Variants in FARS2 observed in about 807,000 individuals in gnomAD.
The protein encoded by FARS2 is phenylalanyl-tRNA synthetase 2, mitochondrial, also known as phenylalanine--tRNA ligase, mitochondrial.
In FARS2, 40 loss-of-function variants were observed where a neutral mutation model predicts 46.4. The ratio of observed to expected loss-of-function variants is 0.86; its 90% confidence interval spans 0.67 to 1.12. The LOEUF (loss-of-function observed/expected upper bound fraction) is 1.12, where lower values mean the gene tolerates loss of function less well. FARS2 is among the 50% of genes most tolerant of loss of function. The probability of loss-of-function intolerance (pLI) is 0.00; values close to 1 mark genes in which losing one functional copy is unlikely to be tolerated. For synonymous variants in FARS2, 234 were observed against 214.9 expected (o/e 1.09, Z -0.78); for missense variants, 513 against 567.9 (o/e 0.90, Z 0.98).
chr6:5,476,698 A>G (rs1033592660), intron 4 of FARS2, among the ~76,000 whole-genome samples: 1 of 152,160 alleles, frequency 6.6e-6, no homozygotes, highest in Non-Finnish European at 1.5e-5. Context: ...GTTCACAGCT[A>G]GGTATTGAGA....
intron 5 of FARS2, chr6:5,610,175 T>G: frequency 1.1e-6 from 1 of 879,700 alleles, no homozygotes; most frequent in Non-Finnish European, 1.8e-6. Context: ...ATTCGGGCTC[T>G]TTAGGAGACT....
At chr6:5,286,644 G>T (rs1767134061) in intron 1 of FARS2, among the ~76,000 whole-genome samples, 4 of 152,134 alleles carry the variant, frequency 2.6e-5, no homozygotes. Flanking sequence ...ACGTATATGT[G>T]TATGAGTGTG....
intron 6 of FARS2, among the ~76,000 whole-genome samples, chr6:5,679,181 A>G (rs77228053): frequency 0.041 from 6,312 of 152,248 alleles, 161 homozygotes; most frequent in African/African-American, 0.068. Context: ...CCGAGGTGAC[A>G]AAGCAAACCT....
At chr6:5,280,717 C>T (rs952424956) in intron 1 of FARS2, among the ~76,000 whole-genome samples, 2 of 151,484 alleles carry the variant, frequency 1.3e-5, no homozygotes, top group Non-Finnish European at 1.5e-5. Context: ...CAAAAAATAA[C>T]GTCTCCTGTC....
intron 4 of FARS2, among the ~76,000 whole-genome samples, chr6:5,510,715 C>G (rs917578872): frequency 1.3e-5 from 2 of 152,230 alleles, no homozygotes; most frequent in African/African-American, 2.4e-5. Context: ...GAGCTTGACC[C>G]CATATGTAGT....
intron 6 of FARS2, among the ~76,000 whole-genome samples, chr6:5,695,626 G>C (rs79204658): frequency 6.6e-6 from 1 of 152,188 alleles, no homozygotes; most frequent in Non-Finnish European, 1.5e-5. Context: ...CTTGTAGAAG[G>C]TCACACCATA....
At chr6:5,356,206 T>A (rs1488776247) in intron 1 of FARS2, among the ~76,000 whole-genome samples, 2 of 152,232 alleles carry the variant, frequency 1.3e-5, no homozygotes, top group Non-Finnish European at 1.5e-5. Context: ...TGTAGCACTT[T>A]GGGAGGCCGA....
chr6:5,353,170 T>C (rs1561978681), intron 1 of FARS2, among the ~76,000 whole-genome samples: 1 of 152,156 alleles, frequency 6.6e-6, no homozygotes, highest in Non-Finnish European at 1.5e-5. Context: ...TGTCTTTCTG[T>C]GTCTTTCATT....
At chr6:5,340,066 G>A (rs1304900919) in intron 1 of FARS2, among the ~76,000 whole-genome samples, 4 of 152,158 alleles carry the variant, frequency 2.6e-5, no homozygotes, top group Non-Finnish European at 5.9e-5. Flanking sequence ...TAACAATAAC[G>A]ATATTAATAG....
intron 5 of FARS2, among the ~76,000 whole-genome samples, chr6:5,568,940 C>T (rs190153712): frequency 1.7e-4 from 26 of 152,038 alleles, no homozygotes; most frequent in Admixed American, 3.3e-4. Context: ...ATTGAAAGAT[C>T]TTGGATCCTT....
At chr6:5,519,688 T>C (rs143773666) in intron 4 of FARS2, among the ~76,000 whole-genome samples, 1 of 152,298 alleles carries the variant, frequency 6.6e-6, no homozygotes, top group East Asian at 1.9e-4. Flanking sequence ...AAAGGCAGTA[T>C]GACTCTGAGT....
intron 3 of FARS2, among the ~76,000 whole-genome samples, chr6:5,407,700 T>C (rs962931961): frequency 2.8e-4 from 43 of 152,298 alleles, no homozygotes; most frequent in African/African-American, 9.9e-4. Context: ...TCTTCCTGTC[T>C]CTAGGTTTGA....
chr6:5,544,483 C>T (rs986726337), intron 4 of FARS2, among the ~76,000 whole-genome samples: 5 of 152,186 alleles, frequency 3.3e-5, no homozygotes, highest in Non-Finnish European at 5.9e-5. Flanking sequence ...TGCCTGCCTT[C>T]ATTCTGCAGT....
At chr6:5,633,076 G>A (rs1298432282) in intron 6 of FARS2, among the ~76,000 whole-genome samples, 4 of 151,300 alleles carry the variant, frequency 2.6e-5, no homozygotes, top group Non-Finnish European at 4.4e-5. Context: ...TTTTATTTTA[G>A]CAAAGAAAGA....
At chr6:5,289,412 C>G (rs1767350593) in intron 1 of FARS2, among the ~76,000 whole-genome samples, 2 of 152,174 alleles carry the variant, frequency 1.3e-5, no homozygotes. Flanking sequence ...GTACATGCCA[C>G]AGAATGGAAA....
In FARS2 at chr6:5,613,168, G is replaced by C. The variant is rs770413349; in HGVS notation, c.1066-1G>C. 6.2e-7 allele frequency: 1 copy of C among 1,610,508 alleles called. No individual in the cohort carries two copies. Among genetic ancestry groups the C allele is most frequent in the East Asian group, 2.2e-5 (1 of 44,664 alleles). ...TATCTTTTCTCCTCTTGTTTTGTTA[G>C]CCTCTTAGCAAATATCCGGCTGTGA... On this transcript the variant is annotated splice_acceptor_variant, in intron 5 of 6. Transcript: ENST00000274680. LOFTEE classifies it high-confidence loss of function.
chr6:5,656,696 G>A lies in FARS2; in HGVS notation c.1217+43376G>A, dbSNP rs189386951. Among the ~76,000 whole-genome samples the A allele has an allele frequency of 1.1e-4, 17 of 152,178 alleles. No homozygotes were observed. The East Asian group carries it at 2.9e-3, about 26-fold the overall frequency. On this transcript the variant is annotated intron_variant, in intron 6 of 6. Coordinates refer to ENST00000274680, the MANE Select transcript of FARS2 (RefSeq NM_006567.5). ...CTCCTGAGTAGCTGGGACTACAGGC[G>A]CATACTACCACACCCAGCTAATTTT...
At chr6:5,655,634 C>T (rs992895640) in intron 6 of FARS2, among the ~76,000 whole-genome samples, 5 of 152,178 alleles carry the variant, frequency 3.3e-5, no homozygotes, top group Non-Finnish European at 5.9e-5. Context: ...CCTCCTGCCT[C>T]CCTCTTATAA....
chr6:5,289,559 G>A (rs925450107), intron 1 of FARS2, among the ~76,000 whole-genome samples: 13 of 152,328 alleles, frequency 8.5e-5, no homozygotes, highest in African/African-American at 2.9e-4. Flanking sequence ...CTGATTGGTT[G>A]CGGAAAGGGA....
Sources: gnomAD v4.1 joint callset for allele counts (sites outside exome capture counted in the v4.1 genomes callset) on GRCh38, gnomAD v4.1.1 for gene constraint, MANE v1.5 for transcripts, NCBI Gene and HGNC (gene_info 2026-07-23, HGNC 2026-07-21) for gene names.